TCF20: variants seen among roughly 807,000 people sequenced by gnomAD.
TCF20 encodes transcription factor 20, also known as SPRE-binding protein.
A neutral mutation model predicts 148.6 loss-of-function variants in TCF20; 3 were observed. The observed-to-expected ratio is 0.02, with a 90% CI of 0.01 to 0.05. The LOEUF is 0.05. TCF20 is among the 10% of genes least tolerant of loss of function. The pLI, the probability that TCF20 is intolerant of heterozygous loss-of-function variation, is 1.00. For missense variants in TCF20, 2,350 were observed against 2,429.3 expected (o/e 0.97, Z 0.69); for synonymous variants, 1,049 against 909.5 (o/e 1.15, Z -2.76).
chr22:42,269,494 T>C (rs951745095), intron 1 of TCF20, among the ~76,000 whole-genome samples: 6 of 152,244 alleles, frequency 3.9e-5, no homozygotes, highest in Admixed American at 2.0e-4. Context: ...TCCACTCCCA[T>C]TCCGGCGTCC....
At chr22:42,269,201 A>T (rs983648018) in intron 1 of TCF20, among the ~76,000 whole-genome samples, 1 of 152,174 alleles carries the variant, frequency 6.6e-6, no homozygotes, top group East Asian at 1.9e-4. Flanking sequence ...GGCTGTTAAC[A>T]TAAGGGTCCA....
At chr22:42,335,579 G>T (rs1367641212) in intron 1 of TCF20, among the ~76,000 whole-genome samples, 1 of 152,218 alleles carries the variant, frequency 6.6e-6, no homozygotes, top group Non-Finnish European at 1.5e-5. Flanking sequence ...GAGAATGCGA[G>T]AACACAGTGC....
At chr22:42,250,374 A>C (rs1925262914) in intron 1 of TCF20, among the ~76,000 whole-genome samples, 1 of 148,770 alleles carries the variant, frequency 6.7e-6, no homozygotes, top group Admixed American at 6.8e-5. Context: ...TGAACCCAGG[A>C]GACAAAGGTT....
chr22:42,248,137 T>C (rs1925072801), intron 1 of TCF20, among the ~76,000 whole-genome samples: 1 of 152,128 alleles, frequency 6.6e-6, no homozygotes, highest in African/African-American at 2.4e-5. Flanking sequence ...ATAATTGCTG[T>C]GAAGGGAGAA....
At chr22:42,264,289 G>A (rs1481094840) in intron 1 of TCF20, among the ~76,000 whole-genome samples, 1 of 150,434 alleles carries the variant, frequency 6.6e-6, no homozygotes, top group Non-Finnish European at 1.5e-5. Context: ...GGGGCAGGGT[G>A]GGGGAGGGGG....
chr22:42,299,739 G>A lies in TCF20; in HGVS notation c.-37+43740C>T, dbSNP rs1927299954. ...AGGTCAGGTAATTAATAGCAGGAGG[G>A]AAGTGCAATTAGCAGGTACCTGGAG... On this transcript the variant is annotated intron_variant, in intron 1 of 1. Transcript: ENST00000515426. The surrounding 1 kb of genome is among the most constrained non-coding windows in gnomAD (Gnocchi z 4.1). 6.6e-6 allele frequency among the ~76,000 whole-genome samples: 1 copy of A among 152,094 alleles called. No individual in the cohort carries two copies. The highest frequency in any genetic ancestry group is 2.1e-4 in the South Asian group (1 of 4,824).
chr22:42,269,523 C>G (rs545548279), intron 1 of TCF20, among the ~76,000 whole-genome samples: 1 of 152,216 alleles, frequency 6.6e-6, no homozygotes, highest in Admixed American at 6.5e-5. Flanking sequence ...GTGCACCTCC[C>G]GCCGTAGCCT....
At chr22:42,280,130 G>A (rs768648585) in intron 1 of TCF20, among the ~76,000 whole-genome samples, 1 of 152,194 alleles carries the variant, frequency 6.6e-6, no homozygotes, top group Non-Finnish European at 1.5e-5. Context: ...AAATCAATGG[G>A]CAGATGATAC....
At chr22:42,282,679 G>C (rs1322056369) in intron 1 of TCF20, among the ~76,000 whole-genome samples, 2 of 152,182 alleles carry the variant, frequency 1.3e-5, no homozygotes, top group Non-Finnish European at 2.9e-5. Flanking sequence ...GACCCTGGCT[G>C]GGGGCAGAGA....
intron 1 of TCF20, among the ~76,000 whole-genome samples, chr22:42,252,769 C>T (rs1010686113): frequency 3.3e-5 from 5 of 152,084 alleles, no homozygotes; most frequent in Non-Finnish European, 5.9e-5. Context: ...GCTTTTTTAA[C>T]TGAAACACTA....
At chr22:42,280,180 C>G (rs185542444) in intron 1 of TCF20, among the ~76,000 whole-genome samples, 92 of 152,330 alleles carry the variant, frequency 6.0e-4, no homozygotes, top group African/African-American at 2.2e-3. Context: ...TCCAAGAAAA[C>G]CAAAGCAACA....
intron 5 of TCF20, 38 bp downstream of exon 5, chr22:42,168,571 C>A: frequency 6.5e-7 from 1 of 1,538,734 alleles, no homozygotes; most frequent in South Asian, 1.2e-5. Flanking sequence ...CTGCTGGGAG[C>A]CGGGCAGGAT....
At chr22:42,171,374 A>G (rs868544001) in intron 3 of TCF20, among the ~76,000 whole-genome samples, 1 of 152,242 alleles carries the variant, frequency 6.6e-6, no homozygotes, top group African/African-American at 2.4e-5. Flanking sequence ...ACAGATTTCA[A>G]GTGCAATAGT....
chr22:42,341,932 G>A (rs1471899302), intron 1 of TCF20, among the ~76,000 whole-genome samples: 1 of 152,172 alleles, frequency 6.6e-6, no homozygotes, highest in Non-Finnish European at 1.5e-5. Context: ...AGGGGATGTA[G>A]CTGGGCCTTG....
At chr22:42,248,163 G>C (rs1925075857) in intron 1 of TCF20, among the ~76,000 whole-genome samples, 1 of 152,342 alleles carries the variant, frequency 6.6e-6, no homozygotes, top group South Asian at 2.1e-4. Context: ...CTGAGGGAGA[G>C]AGCACGTACT....
At position 42,210,336 on chromosome 22, in the gene TCF20, T is replaced by C; in HGVS notation, c.4970A>G (p.Gln1657Arg). ...CTIINAEEEEQTKLVRGRKGQ... is the reference protein window; with the variant it reads ...CTIINAEEEERTKLVRGRKGQ... Reference sequence around the variant, plus strand: ...CTTCCTGCCCCTCACTAATTTGGTCTGTTCTTCTTCCTCAGCATTGATGAT... The same window carrying C: ...CTTCCTGCCCCTCACTAATTTGGTCCGTTCTTCTTCCTCAGCATTGATGAT... The change falls in exon 2 of 6, where the codon CAG becomes CGG. Residue 1657 changes from glutamine (Q) to arginine (R), a missense_variant. Physicochemically the swap from Gln to Arg is conservative, Grantham distance 43. This residue lies in a region of TCF20 where 374 missense variants were observed against 398.3 expected (regional missense o/e 0.94). Coordinates refer to ENST00000677622, the MANE Select transcript of TCF20 (RefSeq NM_001378418.1). This position sits in a 1 kb window ranked among gnomAD's most constrained non-coding sequence, Gnocchi z 4.7. 6.2e-7 allele frequency: 1 copy of C among 1,614,254 alleles called. No individual in the cohort carries two copies. The highest frequency in any genetic ancestry group is 8.5e-7 in the Non-Finnish European group (1 of 1,180,048).
chr22:42,226,769 C>A (rs561510537), intron 1 of TCF20, among the ~76,000 whole-genome samples: 1 of 152,072 alleles, frequency 6.6e-6, no homozygotes, highest in Non-Finnish European at 1.5e-5. Context: ...CAAAAGATAT[C>A]AATGACCAAT....
chr22:42,211,223 G>A lies in TCF20; in HGVS notation c.4083C>T (p.Ser1361=), dbSNP rs766678204. The A allele has an allele frequency of 3.1e-6, 5 of 1,614,024 alleles. No homozygotes were observed. The Admixed American group carries it at 6.7e-5, about 22-fold the overall frequency. ...KLEAIVQKIT[S]PNIRRSASSN... The stretch of plus-strand genomic sequence containing the variant: ...AAGATGCGCTCCTCCTAATATTTGG[G>A]GATGTAATCTTCTGAACTATAGCTT... Residue 1361 remains serine, a synonymous_variant, in exon 2 of 6, where the codon TCC becomes TCT. Transcript: ENST00000677622.
intron 1 of TCF20, among the ~76,000 whole-genome samples, chr22:42,242,218 A>AAAAAAAAAAACAAAAAAAAAC (rs1555942526): frequency 7.0e-6 from 1 of 142,586 alleles, no homozygotes; most frequent in African/African-American, 2.8e-5. Flanking sequence ...AAAAAAAAAA[A>AAAAAAAAAAACAAAAAAAAAC]AAAAAAAAAC....
Sources: allele counts gnomAD v4.1 joint callset (sites outside exome capture counted in the v4.1 genomes callset), GRCh38; gene constraint gnomAD v4.1.1; regional missense constraint gnomAD v4.1.1; non-coding constraint Gnocchi (gnomAD v3.1); transcripts MANE v1.5; gene names NCBI Gene and HGNC (gene_info 2026-07-23, HGNC 2026-07-21).